Variants in CLDN11 observed in about 807,000 individuals in gnomAD.
CLDN11 encodes the protein claudin 11.
In CLDN11, 1 loss-of-function variant was observed where a neutral mutation model predicts 18.0. That is an observed-to-expected ratio of 0.06 (90% CI 0.02 to 0.26). The LOEUF is 0.26. CLDN11 is among the 10% of genes least tolerant of loss of function. CLDN11 has a pLI of 1.00. For synonymous variants in CLDN11, 116 were observed against 121.5 expected (o/e 0.96, Z 0.30); for missense variants, 172 against 276.6 (o/e 0.62, Z 2.68).
intron 2 of CLDN11, among the ~76,000 whole-genome samples, chr3:170,428,740 A>G (rs1738924717): frequency 6.6e-6 from 1 of 152,188 alleles, no homozygotes; most frequent in Non-Finnish European, 1.5e-5. Context: ...TTCTGAAGGT[A>G]AAAAAGGAGA....
chr3:170,430,544 T>TC (rs1491154185), intron 2 of CLDN11, among the ~76,000 whole-genome samples: 5 of 3,178 alleles, frequency 1.6e-3, no homozygotes, highest in Admixed American at 0.014. Flanking sequence ...TCTTTTTCTC[T>TC]TTTTTTTTTT....
intron 2 of CLDN11, among the ~76,000 whole-genome samples, chr3:170,430,621 C>A (rs546468540): frequency 6.6e-6 from 1 of 151,762 alleles, no homozygotes; most frequent in Non-Finnish European, 1.5e-5. Flanking sequence ...TCACTGCATG[C>A]AACCTCTGCC....
chr3:170,430,275 A>C (rs537501841), intron 2 of CLDN11, among the ~76,000 whole-genome samples: 108 of 152,330 alleles, frequency 7.1e-4, no homozygotes, highest in African/African-American at 2.5e-3. Context: ...ATAGCCAAGC[A>C]ATTCTCCAAG....
In CLDN11 at chr3:170,418,978, C is replaced by A; in HGVS notation, c.-89C>A. 2.0e-6 allele frequency: 2 copies of A among 981,242 alleles called. No homozygotes were observed. The highest frequency in any genetic ancestry group is 3.1e-6 in the Non-Finnish European group (2 of 653,392). The allele number at this position is 981,242 out of a possible 1,614,324, so 60.8% of individuals were successfully genotyped here. ...CCGTCGCCCTCCAGCGGCTCGCGAG[C>A]GTGGGAGACGTACCTGGGCAGGCAC... On this transcript the variant is annotated 5_prime_UTR_variant, in exon 1 of 3. Transcript: ENST00000064724. The surrounding 1 kb of genome is among the most constrained non-coding windows in gnomAD (Gnocchi z 4.3).
chr3:170,432,454 T>C lies in CLDN11; in HGVS notation c.392-70T>C, dbSNP rs1013268459. On this transcript the variant is annotated intron_variant, in intron 2 of 2. Transcript: ENST00000064724. Reference sequence around the variant, plus strand: ...AAGCCACAAGTGTGTGTATGTGGAGTGAGTGGGCCTGCCCAAGTGCTTGGT... The same window carrying C: ...AAGCCACAAGTGTGTGTATGTGGAGCGAGTGGGCCTGCCCAAGTGCTTGGT... The C allele has an allele frequency of 1.9e-6, 3 of 1,598,190 alleles. No homozygotes were observed. The African/African-American group carries it at 4.0e-5, about 21-fold the overall frequency.
intron 1 of CLDN11, among the ~76,000 whole-genome samples, chr3:170,422,570 A>G (rs761162960): frequency 2.1e-4 from 32 of 152,182 alleles, no homozygotes; most frequent in Non-Finnish European, 4.3e-4. Context: ...CTACAGGCTC[A>G]CACCACCACA....
chr3:170,426,781 C>A (rs1245801368), intron 2 of CLDN11, among the ~76,000 whole-genome samples: 1 of 152,038 alleles, frequency 6.6e-6, no homozygotes, highest in Non-Finnish European at 1.5e-5. Flanking sequence ...CAATTTCCTT[C>A]TTTTTATTTT....
rs1011994192 is a variant in CLDN11, at chr3:170,419,922, C to A, written c.226+630C>A. On this transcript the variant is annotated intron_variant, in intron 1 of 2. Coordinates refer to ENST00000064724, the MANE Select transcript of CLDN11 (RefSeq NM_005602.6). This position sits in a 1 kb window ranked among gnomAD's most constrained non-coding sequence, Gnocchi z 8.6. ...CACGTGCCCAGGGCCATCTCCGCTG[C>A]CCCCGCTACCCCCGCCCCTGCTGTG... is the stretch of plus-strand genomic sequence containing the variant. Among the ~76,000 whole-genome samples the A allele has an allele frequency of 1.7e-4, 26 of 152,378 alleles. No individual in the cohort carries two copies. Among genetic ancestry groups the A allele is most frequent in the Admixed American group, 1.4e-3 (22 of 15,314 alleles).
In CLDN11 at chr3:170,434,355, T is replaced by C. The variant is rs976930260; in HGVS notation, c.*1599T>C. Among the ~76,000 whole-genome samples, 1 of 152,230 alleles carries C rather than the reference T, an allele frequency of 6.6e-6. No homozygotes were observed. The highest frequency in any genetic ancestry group is 6.5e-5 in the Admixed American group (1 of 15,286). On this transcript the variant is annotated 3_prime_UTR_variant, in exon 3 of 3. Transcript: ENST00000064724. ...TATGGCATCTTTAATCATCGATCAATGGGCAGCAATCAGAAACAAAGTTCT... is the reference window on the plus strand; with the variant it reads ...TATGGCATCTTTAATCATCGATCAACGGGCAGCAATCAGAAACAAAGTTCT...
intron 2 of CLDN11, among the ~76,000 whole-genome samples, chr3:170,426,264 G>A (rs1253056001): frequency 6.6e-6 from 1 of 152,202 alleles, no homozygotes; most frequent in Non-Finnish European, 1.5e-5. Context: ...AAAAAATTAT[G>A]TCTGTTGTAC....
At chr3:170,429,516 A>C (rs150608540) in intron 2 of CLDN11, among the ~76,000 whole-genome samples, 1 of 152,340 alleles carries the variant, frequency 6.6e-6, no homozygotes, top group East Asian at 1.9e-4. Flanking sequence ...CTTCTCATCT[A>C]TCCATCCATT....
At position 170,418,893 on chromosome 3, in the gene CLDN11, C is replaced by T. The variant is rs1469526720; in HGVS notation, c.-174C>T. 7.0e-6 allele frequency: 4 copies of T among 570,686 alleles called. No homozygotes were observed. Among genetic ancestry groups the T allele is most frequent in the East Asian group, 6.1e-5 (2 of 32,952 alleles). 35.4% of individuals were successfully genotyped at this position (570,686 alleles called of 1,614,324 possible). On this transcript the variant is annotated 5_prime_UTR_variant, in exon 1 of 3. Transcript: ENST00000064724. The surrounding 1 kb of genome is among the most constrained non-coding windows in gnomAD (Gnocchi z 4.3). ...AGCGCTGCTGTCCCCGCCGTGCGCC[C>T]TTCGCCGCTGAGCTCGCAGCCTCCG...
chr3:170,423,677 G>C (rs1738774283), intron 2 of CLDN11: 1 of 206,056 alleles, frequency 4.9e-6, no homozygotes, highest in African/African-American at 2.3e-5. Context: ...CAGATCAATT[G>C]AATCAGAATT....
chr3:170,422,793 A>G (rs184416116), intron 1 of CLDN11, among the ~76,000 whole-genome samples: 12 of 152,358 alleles, frequency 7.9e-5, no homozygotes, highest in Admixed American at 6.5e-4. Context: ...ACACAGGTAG[A>G]GCTATCAATA....
chr3:170,425,525 C>G (rs1189210952), intron 2 of CLDN11, among the ~76,000 whole-genome samples: 1 of 152,092 alleles, frequency 6.6e-6, no homozygotes. Flanking sequence ...TTGAAACTTC[C>G]TAGCTGAATT....
At position 170,418,954 on chromosome 3, in the gene CLDN11, C is replaced by T; in HGVS notation, c.-113C>T. The T allele has an allele frequency of 2.5e-6, 2 of 790,302 alleles. No homozygotes were observed. The highest frequency in any genetic ancestry group is 4.1e-6 in the Non-Finnish European group (2 of 487,916). 49.0% of individuals were successfully genotyped at this position (790,302 alleles called of 1,614,324 possible). A position where few individuals can be genotyped will look rare whatever the true frequency, so the allele number is the denominator to read the frequency against. On this transcript the variant is annotated 5_prime_UTR_variant, in exon 1 of 3. Transcript: ENST00000064724. This position sits in a 1 kb window ranked among gnomAD's most constrained non-coding sequence, Gnocchi z 4.3. ...CCACCTCCAGTGTCCCGCCTCGGGCCGTCGCCCTCCAGCGGCTCGCGAGCG... is the reference window on the plus strand; with the variant it reads ...CCACCTCCAGTGTCCCGCCTCGGGCTGTCGCCCTCCAGCGGCTCGCGAGCG...
At position 170,423,291 on chromosome 3, in the gene CLDN11, C is replaced by T. The variant is rs867677456; in HGVS notation, c.355C>T (p.Arg119Trp). 4.3e-6 allele frequency: 7 copies of T among 1,614,050 alleles called. No individual in the cohort carries two copies. Among genetic ancestry groups the T allele is most frequent in the South Asian group, 2.2e-5 (2 of 91,084 alleles). Residue 119 changes from arginine to tryptophan, a missense_variant, in exon 2 of 3, where the codon CGG becomes TGG. By Grantham distance (101) the Arg-to-Trp change is moderately radical. This residue lies in a region of CLDN11 where 161 missense variants were observed against 240.3 expected (regional missense o/e 0.67). Transcript: ENST00000064724. ...GGAGCCCGGTGTGGCTAAGTACAGG[C>T]GGGCCCAGCTGGCTGGTGTTTTGCT... The part of the protein sequence containing the change: ...GQEPGVAKYR[R>W]AQLAGVLLIL...
rs1739072225 is a variant in CLDN11, at chr3:170,433,900, C to T, written c.*1144C>T. 1 of 152,484 alleles carries T rather than the reference C, an allele frequency of 6.6e-6. No individual in the cohort carries two copies. The highest frequency in any genetic ancestry group is 2.4e-5 in the African/African-American group (1 of 41,400). 9.4% of individuals were successfully genotyped at this position (152,484 alleles called of 1,614,324 possible). On this transcript the variant is annotated 3_prime_UTR_variant, in exon 3 of 3. Transcript: ENST00000064724. ...AAACTAACACATTTTTAAAGCTTTC[C>T]CCCACTTTTCTCTCTATTTGTATTG... is the stretch of plus-strand genomic sequence containing the variant.
chr3:170,427,200 AT>A (rs1217674632), intron 2 of CLDN11, among the ~76,000 whole-genome samples: 1 of 152,162 alleles, frequency 6.6e-6, no homozygotes, highest in Admixed American at 6.5e-5. Context: ...CAGTCTTCAG[AT>A]TTTTAAAAGG....
Sources: gnomAD v4.1 joint callset for allele counts (sites outside exome capture counted in the v4.1 genomes callset) on GRCh38, gnomAD v4.1.1 for gene constraint, gnomAD v4.1.1 regional missense constraint, Gnocchi (gnomAD v3.1) non-coding constraint, MANE v1.5 for transcripts, NCBI Gene and HGNC (gene_info 2026-07-23, HGNC 2026-07-21) for gene names.